XYLT1: variants seen among roughly 807,000 people sequenced by gnomAD.
The protein encoded by XYLT1 is xylosyltransferase 1.
A neutral mutation model predicts 91.3 loss-of-function variants in XYLT1; 36 were observed. That is an observed-to-expected ratio of 0.39 (90% CI 0.30 to 0.52). The LOEUF (loss-of-function observed/expected upper bound fraction) is 0.52. Ranked by LOEUF, XYLT1 falls within the 20% of genes least tolerant of loss-of-function variation. XYLT1 has a pLI of 0.68. For synonymous variants in XYLT1, 588 were observed against 532.0 expected, an observed-to-expected ratio of 1.11 and a Z score of -1.45; for missense variants, 1,242 against 1,284.5, an observed-to-expected ratio of 0.97 and a Z score of 0.51.
chr16:17,287,439 A>G (rs2034158696), intron 2 of XYLT1, among the ~76,000 whole-genome samples: 1 of 152,116 alleles, frequency 6.6e-6, no homozygotes, highest in Admixed American at 6.6e-5. Flanking sequence ...ACAGAAGGTA[A>G]CTCTGCACCA....
intron 2 of XYLT1, among the ~76,000 whole-genome samples, chr16:17,318,060 G>A (rs2034663765): frequency 6.6e-6 from 1 of 152,198 alleles, no homozygotes; most frequent in South Asian, 2.1e-4. Flanking sequence ...GCGTTCTTAT[G>A]TATTTCCTTA....
intron 5 of XYLT1, among the ~76,000 whole-genome samples, chr16:17,183,228 A>G (rs1206788373): frequency 2.6e-5 from 4 of 152,304 alleles, no homozygotes; most frequent in Admixed American, 2.6e-4. Flanking sequence ...TGGGGACTAA[A>G]GCAGAAAGTG....
chr16:17,209,162 C>T (rs1166084963), intron 3 of XYLT1, among the ~76,000 whole-genome samples: 2 of 152,142 alleles, frequency 1.3e-5, no homozygotes, highest in South Asian at 4.1e-4. Context: ...AATAACTTCC[C>T]ACTCTCCCCT....
At chr16:17,330,670 T>G (rs1459513070) in intron 2 of XYLT1, among the ~76,000 whole-genome samples, 3 of 151,776 alleles carry the variant, frequency 2.0e-5, no homozygotes, top group Admixed American at 1.3e-4. Flanking sequence ...GATACATGCC[T>G]GTAATTCCAG....
chr16:17,440,511 T>C (rs759522901), intron 1 of XYLT1, among the ~76,000 whole-genome samples: 1 of 152,208 alleles, frequency 6.6e-6, no homozygotes, highest in African/African-American at 2.4e-5. Flanking sequence ...CTTAATTACA[T>C]GAACAAGTAG....
At chr16:17,155,358 TGA>T (rs72007366) in intron 6 of XYLT1, among the ~76,000 whole-genome samples, 10,684 of 152,204 alleles carry the variant, frequency 0.07, 457 homozygotes, top group East Asian at 0.15. Context: ...AGTCTGGGCC[TGA>T]TGATATAATT....
At chr16:17,371,264 C>T (rs756925254) in intron 1 of XYLT1, among the ~76,000 whole-genome samples, 4 of 152,208 alleles carry the variant, frequency 2.6e-5, no homozygotes, top group Non-Finnish European at 5.9e-5. Context: ...GGACCAGGGA[C>T]TATCTTCTTT....
At chr16:17,450,277 G>A (rs1486424013) in intron 1 of XYLT1, among the ~76,000 whole-genome samples, 1 of 152,086 alleles carries the variant, frequency 6.6e-6, no homozygotes, top group East Asian at 1.9e-4. Context: ...GGCAGAGGTT[G>A]CAGTGAGCTG....
chr16:17,426,206 C>A lies in XYLT1; in HGVS notation c.363+44228G>T, dbSNP rs115947582. Among the ~76,000 whole-genome samples the A allele has an allele frequency of 2.0e-5, 3 of 152,140 alleles. 1 individual carries two copies. Among genetic ancestry groups the A allele is most frequent in the African/African-American group, 2.4e-5 (1 of 41,396 alleles). ...TTCTAGATACGGGGAGAAAAAGTTACATACAAATAAACAAGATTATTTTAG... is the reference window on the plus strand; with the variant it reads ...TTCTAGATACGGGGAGAAAAAGTTAAATACAAATAAACAAGATTATTTTAG... On this transcript the variant is annotated intron_variant, in intron 1 of 11. Transcript: ENST00000261381.
intron 5 of XYLT1, among the ~76,000 whole-genome samples, chr16:17,188,492 G>A (rs1385068324): frequency 6.6e-6 from 1 of 152,130 alleles, no homozygotes; most frequent in Non-Finnish European, 1.5e-5. Flanking sequence ...TTCCTGGGAT[G>A]CCTGCTTGGA....
At chr16:17,256,034 G>T (rs2033625068) in intron 3 of XYLT1, among the ~76,000 whole-genome samples, 1 of 152,040 alleles carries the variant, frequency 6.6e-6, no homozygotes, top group Non-Finnish European at 1.5e-5. Flanking sequence ...AAAACAGATA[G>T]AAAACAAAAG....
chr16:17,448,485 T>A (rs1036565573), intron 1 of XYLT1, among the ~76,000 whole-genome samples: 1 of 152,056 alleles, frequency 6.6e-6, no homozygotes, highest in African/African-American at 2.4e-5. Context: ...TCATTTTAGG[T>A]GGGAAAATGC....
chr16:17,125,163 A>G (rs1337220227), intron 10 of XYLT1, among the ~76,000 whole-genome samples: 1 of 152,138 alleles, frequency 6.6e-6, no homozygotes, highest in East Asian at 1.9e-4. Context: ...AAGCAAGCCA[A>G]TTCACAATTC....
chr16:17,378,144 A>T (rs934084824), intron 1 of XYLT1, among the ~76,000 whole-genome samples: 3 of 152,228 alleles, frequency 2.0e-5, no homozygotes, highest in African/African-American at 7.2e-5. Flanking sequence ...AAACGTCAGC[A>T]ATTAACTAGC....
At chr16:17,281,100 C>T (rs189404242) in intron 2 of XYLT1, among the ~76,000 whole-genome samples, 4 of 152,300 alleles carry the variant, frequency 2.6e-5, no homozygotes, top group Non-Finnish European at 5.9e-5. Flanking sequence ...CTTTGGGTAC[C>T]TGCTGTGAAT....
chr16:17,287,001 A>G (rs758718356), intron 2 of XYLT1, among the ~76,000 whole-genome samples: 4 of 152,126 alleles, frequency 2.6e-5, no homozygotes, highest in Non-Finnish European at 5.9e-5. Context: ...CTTTATGAGA[A>G]TAATAAAAAA....
intron 1 of XYLT1, among the ~76,000 whole-genome samples, chr16:17,437,357 A>G (rs934681864): frequency 1.3e-5 from 2 of 152,194 alleles, no homozygotes; most frequent in African/African-American, 4.8e-5. Flanking sequence ...ATGTGGCCAC[A>G]GAAACCCACT....
intron 3 of XYLT1, among the ~76,000 whole-genome samples, chr16:17,255,160 C>A (rs146363496): frequency 0.019 from 2,868 of 151,990 alleles, 99 homozygotes; most frequent in Admixed American, 0.1. Flanking sequence ...CCATGCCCAG[C>A]TAATTTTTTT....
At chr16:17,361,028 G>C (rs8049582) in intron 1 of XYLT1, among the ~76,000 whole-genome samples, 14,474 of 152,194 alleles carry the variant, frequency 0.095, 792 homozygotes, top group Middle Eastern at 0.13. Context: ...GCCCTCATTC[G>C]TCACAGCTCC....
Sources: gnomAD v4.1 joint callset for allele counts (sites outside exome capture counted in the v4.1 genomes callset) on GRCh38, gnomAD v4.1.1 for gene constraint, MANE v1.5 for transcripts, NCBI Gene and HGNC (gene_info 2026-07-23, HGNC 2026-07-21) for gene names.